Variants in MPRIP observed in about 807,000 individuals in gnomAD.
MPRIP encodes the protein myosin phosphatase Rho-interacting protein.
MPRIP carries 59 observed loss-of-function variants against 234.9 expected under a neutral mutation model. The observed-to-expected ratio is 0.25, with a 90% confidence interval of 0.20 to 0.31. The LOEUF is 0.31. Among genes scored for constraint, MPRIP ranks in the 10% least tolerant of loss-of-function variants. The pLI is 1.00. For missense variants in MPRIP, 2,436 were observed against 3,071.0 expected, an observed-to-expected ratio of 0.79 and a Z score of 4.89; for synonymous variants, 1,144 against 1,263.9, an observed-to-expected ratio of 0.91 and a Z score of 2.01.
At chr17:17,060,276 G>T (rs539956983) in intron 1 of MPRIP, among the ~76,000 whole-genome samples, 1 of 152,226 alleles carries the variant, frequency 6.6e-6, no homozygotes, top group African/African-American at 2.4e-5. Flanking sequence ...TCCCAGGGCC[G>T]TGGCCCCAGC....
intron 6 of MPRIP, among the ~76,000 whole-genome samples, chr17:17,137,653 A>AG (rs11372096): frequency 0.085 from 12,961 of 152,132 alleles, 1,770 homozygotes; most frequent in African/African-American, 0.29. Context: ...CTAGAACTGC[A>AG]GGGCCTGCCT....
At chr17:17,074,662 G>C (rs1414219784) in intron 1 of MPRIP, among the ~76,000 whole-genome samples, 1 of 152,126 alleles carries the variant, frequency 6.6e-6, no homozygotes, top group Non-Finnish European at 1.5e-5. Flanking sequence ...TCCAGTCCCT[G>C]GCGACCACTA....
At chr17:17,097,797 A>G (rs963820172) in intron 3 of MPRIP, among the ~76,000 whole-genome samples, 1 of 151,862 alleles carries the variant, frequency 6.6e-6, no homozygotes, top group Non-Finnish European at 1.5e-5. Context: ...TTTCCTTTCA[A>G]TTTTCCTTTC....
At chr17:17,122,877 C>T (rs888030506) in intron 3 of MPRIP, among the ~76,000 whole-genome samples, 9 of 152,210 alleles carry the variant, frequency 5.9e-5, no homozygotes, top group Admixed American at 5.2e-4. Flanking sequence ...CTCCTAGGTA[C>T]ACACCCAAGA....
intron 15 of MPRIP, among the ~76,000 whole-genome samples, chr17:17,163,320 G>C (rs1241191676): frequency 6.6e-6 from 1 of 152,150 alleles, no homozygotes; most frequent in African/African-American, 2.4e-5. Flanking sequence ...GCTCACTCTT[G>C]TTTGTGTTGT....
chr17:17,189,419 G>A lies in MPRIP; in HGVS notation c.*4525G>A, dbSNP rs1009812524. On this transcript the variant is annotated 3_prime_UTR_variant, in exon 24 of 24. Coordinates refer to ENST00000651222, the MANE Select transcript of MPRIP (RefSeq NM_001364716.4). ...TTGGTCAGGATGGTCTCGATTTCCTGACCTCGTGATCCGCCTGTCTCGGCC... is the reference window on the plus strand; with the variant it reads ...TTGGTCAGGATGGTCTCGATTTCCTAACCTCGTGATCCGCCTGTCTCGGCC... 1.3e-5 allele frequency: 2 copies of A among 151,880 alleles called. No homozygotes were observed. The highest frequency in any genetic ancestry group is 4.8e-5 in the African/African-American group (2 of 41,354). The allele number at this position is 151,880 out of a possible 1,614,324, so 9.4% of individuals were successfully genotyped here. A position where few individuals can be genotyped will look rare whatever the true frequency, so the allele number is the denominator to read the frequency against.
At chr17:17,101,475 C>T (rs1352191000) in intron 3 of MPRIP, among the ~76,000 whole-genome samples, 1 of 152,152 alleles carries the variant, frequency 6.6e-6, no homozygotes, top group Non-Finnish European at 1.5e-5. Flanking sequence ...GAGGCTGAGG[C>T]AGGAGAATCG....
chr17:17,051,850 C>T (rs983332202), intron 1 of MPRIP, among the ~76,000 whole-genome samples: 2 of 152,254 alleles, frequency 1.3e-5, no homozygotes, highest in African/African-American at 4.8e-5. Context: ...TGGTTTTTGC[C>T]TGGAGCCTGT....
chr17:17,046,567 A>T (rs2088359558), intron 1 of MPRIP, among the ~76,000 whole-genome samples: 1 of 152,118 alleles, frequency 6.6e-6, no homozygotes, highest in African/African-American at 2.4e-5. Context: ...TTTCCTAATT[A>T]CTCATGAAGT....
chr17:17,150,209 G>A lies in MPRIP; in HGVS notation c.1695G>A (p.Gln565=), dbSNP rs1049426552. The A allele has an allele frequency of 6.2e-7, 1 of 1,613,544 alleles. No individual in the cohort carries two copies. Among genetic ancestry groups the A allele is most frequent in the African/African-American group, 1.3e-5 (1 of 75,032 alleles). ...ACYDVTEYPV[Q]RNYGFQIHTK... is the part of the protein sequence containing the mutation. ...ACGATGTCACAGAGTATCCAGTTCA[G>A]AGAAACTATGGCTTCCAGATACATG... The change falls in exon 12 of 24, where the codon CAG becomes CAA. Residue 565 remains glutamine (Q), a synonymous_variant. Coordinates refer to ENST00000651222, the MANE Select transcript of MPRIP (RefSeq NM_001364716.4).
chr17:17,062,167 G>T (rs1309651400), intron 1 of MPRIP, among the ~76,000 whole-genome samples: 1 of 152,082 alleles, frequency 6.6e-6, no homozygotes, highest in Non-Finnish European at 1.5e-5. Flanking sequence ...GGTCCTGTTG[G>T]TGGACAGTAG....
chr17:17,148,479 G>C (rs2045527253), intron 11 of MPRIP, among the ~76,000 whole-genome samples: 1 of 152,154 alleles, frequency 6.6e-6, no homozygotes, highest in Non-Finnish European at 1.5e-5. Flanking sequence ...AGTGGTCACT[G>C]GATTCTTCAC....
intron 3 of MPRIP, among the ~76,000 whole-genome samples, chr17:17,084,704 A>G (rs985663786): frequency 1.3e-5 from 2 of 152,224 alleles, no homozygotes; most frequent in African/African-American, 4.8e-5. Flanking sequence ...CAGGGCTCTC[A>G]GTGTCCTTCC....
intron 4 of MPRIP, among the ~76,000 whole-genome samples, chr17:17,127,513 C>T (rs1290251695): frequency 2.0e-5 from 3 of 152,372 alleles, no homozygotes; most frequent in Non-Finnish European, 4.4e-5. Context: ...CTTCCCAGAG[C>T]TCCCAGTCTA....
chr17:17,150,323 A>G (rs1400622655), intron 12 of MPRIP, 90 bp downstream of exon 12: 1 of 941,534 alleles, frequency 1.1e-6, no homozygotes, highest in Non-Finnish European at 1.7e-6. Context: ...GCACTTCTGG[A>G]CAGGCCTGAT....
In MPRIP at chr17:17,165,713, C is replaced by T. The variant is rs1485595257; in HGVS notation, c.4122C>T (p.Gly1374=). 5.4e-6 allele frequency: 7 copies of T among 1,305,058 alleles called. No homozygotes were observed. Among genetic ancestry groups the T allele is most frequent in the East Asian group, 5.5e-5 (1 of 18,034 alleles). 80.8% of individuals were successfully genotyped at this position (1,305,058 alleles called of 1,614,324 possible). ...EPAPSVLPAT[G]DSDTYLSIIH... ...CACCCAGTGTACTGCCTGCAACTGG[C>T]GACTCTGACACGTACCTCTCCATCA... The change falls in exon 16 of 24, where the codon GGC becomes GGT. Residue 1374 remains glycine (G), a synonymous_variant. Transcript: ENST00000651222.
chr17:17,143,933 G>A (rs1156463289), intron 9 of MPRIP, among the ~76,000 whole-genome samples: 1 of 152,220 alleles, frequency 6.6e-6, no homozygotes, highest in African/African-American at 2.4e-5. Flanking sequence ...CCTCGGGCTA[G>A]GCAGACTCCC....
intron 15 of MPRIP, among the ~76,000 whole-genome samples, chr17:17,163,490 T>A (rs894064250): frequency 6.6e-6 from 1 of 152,230 alleles, no homozygotes; most frequent in African/African-American, 2.4e-5. Context: ...ACTCCATGGT[T>A]CCCGTTCCCC....
Position 17,053,199 on chromosome 17 carries a change from C to T in MPRIP, c.123+10228C>T, listed in dbSNP as rs896733777. ...CACAGTCCCACTTTTCATTTCAGTG[C>T]GCCCAGGCAAGGGAATTGGAATGGT... On this transcript the variant is annotated intron_variant, in intron 1 of 23. Transcript: ENST00000651222. Among the ~76,000 whole-genome samples the T allele has an allele frequency of 7.9e-5, 12 of 152,014 alleles. No individual in the cohort carries two copies. In the South Asian group the frequency reaches 1.0e-3, roughly 13 times the overall value.
Sources: gnomAD v4.1 joint callset for allele counts (sites outside exome capture counted in the v4.1 genomes callset) on GRCh38, gnomAD v4.1.1 for gene constraint, MANE v1.5 for transcripts, NCBI Gene and HGNC (gene_info 2026-07-23, HGNC 2026-07-21) for gene names.